The following TCAF1 variants were observed in gnomAD, a reference collection of about 807,000 sequenced individuals.
The protein encoded by TCAF1 is TRPM8 channel associated factor 1.
In TCAF1, 4 loss-of-function variants were observed where a neutral mutation model predicts 27.3. The ratio of observed to expected loss-of-function variants is 0.15; its 90% CI spans 0.07 to 0.34. The LOEUF (loss-of-function observed/expected upper bound fraction) is 0.34. Among genes scored for constraint, TCAF1 ranks in the 10% least tolerant of loss-of-function variants. TCAF1 has a pLI of 1.00. For missense variants in TCAF1, 257 were observed against 425.8 expected (o/e 0.60, Z 3.49); for synonymous variants, 105 against 167.1 (o/e 0.63, Z 2.87).
intron 1 of TCAF1, chr7:143,886,670 A>C: frequency 5.1e-6 from 1 of 195,020 alleles, no homozygotes; most frequent in African/African-American, 2.6e-5. Context: ...TCCTTCCTTC[A>C]TGCTCTTTTA....
intron 1 of TCAF1, chr7:143,882,194 ACAC>A: frequency 4.2e-5 from 1 of 23,812 alleles, no homozygotes; most frequent in Non-Finnish European, 6.8e-5. Context: ...ATGCGCGTAA[ACAC>A]ACACACACAC....
At chr7:143,883,131 A>G (rs549386442) in intron 1 of TCAF1, among the ~76,000 whole-genome samples, 1 of 152,276 alleles carries the variant, frequency 6.6e-6, no homozygotes, top group East Asian at 1.9e-4. Context: ...TGGGACAAAC[A>G]TTCTGCTTAG....
At chr7:143,876,992 A>T (rs1267635122) in intron 1 of TCAF1, among the ~76,000 whole-genome samples, 1 of 152,220 alleles carries the variant, frequency 6.6e-6, no homozygotes, top group African/African-American at 2.4e-5. Context: ...GTCATATGTG[A>T]TTCAAATGGG....
chr7:143,889,878 C>T (rs186886024), intron 1 of TCAF1, among the ~76,000 whole-genome samples: 4 of 152,340 alleles, frequency 2.6e-5, no homozygotes, highest in Admixed American at 6.5e-5. Flanking sequence ...CTCTCATCAA[C>T]TAAGGGCAAT....
intron 1 of TCAF1, among the ~76,000 whole-genome samples, chr7:143,880,918 T>C (rs1347251576): frequency 6.6e-6 from 1 of 152,206 alleles, no homozygotes; most frequent in African/African-American, 2.4e-5. Flanking sequence ...TGTCCTTTCA[T>C]TTCTCTCCCT....
chr7:143,882,193 A>AACACACACACACACACACACACACACAC (rs35872468), intron 1 of TCAF1: 13 of 150,142 alleles, frequency 8.7e-5, no homozygotes, highest in African/African-American at 2.3e-4. Context: ...CATGCGCGTA[A>AACACACACACACACACACACACACACAC]ACACACACAC....
intron 1 of TCAF1, among the ~76,000 whole-genome samples, chr7:143,898,553 T>C (rs1813988937): frequency 6.6e-6 from 1 of 151,996 alleles, no homozygotes; most frequent in African/African-American, 2.4e-5. Flanking sequence ...AACAATAAAC[T>C]ACAAAATATA....
rs1413377595 is a variant in TCAF1, at chr7:143,851,766, C to A, written c.*2367G>T. ...TTATAGCTTTGAACAATACACTAAT[C>A]CTCTAGTTCTTGTTCCATTAACTGA... On this transcript the variant is annotated 3_prime_UTR_variant, in exon 9 of 9. Transcript: ENST00000479870. The A allele has an allele frequency of 6.6e-6, 1 of 152,070 alleles. No homozygotes were observed. The highest frequency in any genetic ancestry group is 2.4e-5 in the African/African-American group (1 of 41,364). The allele number at this position is 152,070 out of a possible 1,614,324, so 9.4% of individuals were successfully genotyped here.
intron 1 of TCAF1, chr7:143,885,112 A>T (rs1387156757): frequency 1.0e-6 from 1 of 985,182 alleles, no homozygotes; most frequent in African/African-American, 1.7e-5. Flanking sequence ...TCCTTCTCCC[A>T]CCCGCACCTC....
At chr7:143,881,156 A>G (rs1812997428) in intron 1 of TCAF1, among the ~76,000 whole-genome samples, 1 of 152,184 alleles carries the variant, frequency 6.6e-6, no homozygotes, top group Non-Finnish European at 1.5e-5. Context: ...GCCATGCTGG[A>G]TGCTGCACCA....
At chr7:143,879,341 G>A (rs1350051704) in intron 1 of TCAF1, among the ~76,000 whole-genome samples, 1 of 152,190 alleles carries the variant, frequency 6.6e-6, no homozygotes, top group Non-Finnish European at 1.5e-5. Flanking sequence ...CTTCTTTCTA[G>A]GAGAAAGTGG....
Position 143,870,231 on chromosome 7 carries a change from CTAT to C in TCAF1, c.620+5755_620+5757del, listed in dbSNP as rs1182791124. On this transcript the variant is annotated intron_variant, in intron 2 of 8. Coordinates refer to ENST00000479870, the MANE Select transcript of TCAF1 (RefSeq NM_014719.3). ...TAAAGTTGTTTCACAGATTTCTGCT[CTAT>C]TATTTCCTCGTTTCTTCTACAGATT... is the stretch of plus-strand genomic sequence containing the variant. 1.1e-4 allele frequency among the ~76,000 whole-genome samples: 15 copies of C among 142,172 alleles called. No individual in the cohort carries two copies. In the East Asian group the frequency reaches 3.2e-3, roughly 30 times the overall value. 93.3% of individuals were successfully genotyped at this position (142,172 alleles called of 152,430 possible).
rs143618696 is a variant in TCAF1 at position 143,883,035 on chromosome 7, C to T, written c.-14-6413G>A. The stretch of plus-strand genomic sequence containing the variant: ...CTGTGGCTTAGGGACGCCTGGAGAC[C>T]CCATCCTGGCAGTGTGGACGGCTGT... On this transcript the variant is annotated intron_variant, in intron 1 of 8. Transcript: ENST00000479870. 410 of 193,152 alleles carry T rather than the reference C, an allele frequency of 2.1e-3. 2 individuals carry two copies. The highest frequency in any genetic ancestry group is 9.2e-3 in the African/African-American group (390 of 42,236). 12.0% of individuals were successfully genotyped at this position (193,152 alleles called of 1,614,324 possible). A position where few individuals can be genotyped will look rare whatever the true frequency, so the allele number is the denominator to read the frequency against.
rs542994466 is a variant in TCAF1, at chr7:143,876,269, C to T, written c.340G>A (p.Val114Ile). Residue 114 changes from valine (V) to isoleucine (I), a missense_variant, in exon 2 of 9, where the codon GTT becomes ATT. By Grantham distance (29) the Val-to-Ile change is conservative. This residue lies in a region of TCAF1 where 255 missense variants were observed against 260.1 expected (regional missense o/e 0.98). Transcript: ENST00000479870. The stretch of plus-strand genomic sequence containing the variant: ...AGGGAGTCTTTCACTTCTGGCTCAA[C>T]CTTTGCATCCACTCCAGAGCCCTCG... ...ILEGSGVDAK[V>I]EPEVKDSLGV... 1 of 1,614,226 alleles carries T rather than the reference C, an allele frequency of 6.2e-7. No homozygotes were observed. The highest frequency in any genetic ancestry group is 1.3e-5 in the African/African-American group (1 of 75,060).
chr7:143,852,503 A>G lies in TCAF1; in HGVS notation c.*1630T>C. 1 of 153,556 alleles carries G rather than the reference A, an allele frequency of 6.5e-6. No homozygotes were observed. Among genetic ancestry groups the G allele is most frequent in the Non-Finnish European group, 1.5e-5 (1 of 68,250 alleles). The allele number at this position is 153,556 out of a possible 1,614,324, so 9.5% of individuals were successfully genotyped here. A position where few individuals can be genotyped will look rare whatever the true frequency, so the allele number is the denominator to read the frequency against. On this transcript the variant is annotated 3_prime_UTR_variant, in exon 9 of 9. Coordinates refer to ENST00000479870, the MANE Select transcript of TCAF1 (RefSeq NM_014719.3). ...AGATACTTCCTCAGTAAGGGTGCAA[A>G]GGAGACTTTCTGAAAATTTGCCTGA... is the stretch of plus-strand genomic sequence containing the variant.
intron 6 of TCAF1, among the ~76,000 whole-genome samples, chr7:143,859,940 TATATA>T (rs1811840060): frequency 1.3e-5 from 1 of 79,632 alleles, no homozygotes; most frequent in African/African-American, 4.7e-5. Context: ...TAATATATAT[TATATA>T]ATATATATTA....
chr7:143,876,041 T>C lies in TCAF1; in HGVS notation c.568A>G (p.Thr190Ala). Reference protein sequence around the residue: ...GIYFTDNKGDTSFFKVSKKMP... With the variant: ...GIYFTDNKGDASFFKVSKKMP... ...TTCTTGGAGACTTTAAAGAAACTCG[T>C]GTCCCCTTTGTTGTCAGTAAAGTAA... The change falls in exon 2 of 9, where the codon ACG (threonine) becomes GCG (alanine). Residue 190 changes from threonine to alanine, a missense_variant. Transcript: ENST00000479870. 6.3e-7 allele frequency: 1 copy of C among 1,594,800 alleles called. No individual in the cohort carries two copies. The highest frequency in any genetic ancestry group is 1.1e-5 in the South Asian group (1 of 88,048).
chr7:143,879,337 TC>T (rs1428269470), intron 1 of TCAF1, among the ~76,000 whole-genome samples: 1 of 152,170 alleles, frequency 6.6e-6, no homozygotes, highest in African/African-American at 2.4e-5. Flanking sequence ...GATACTTCTT[TC>T]TAGGAGAAAG....
chr7:143,884,915 T>C (rs1813313735), intron 1 of TCAF1: 2 of 801,956 alleles, frequency 2.5e-6, no homozygotes, highest in South Asian at 1.1e-4. Flanking sequence ...ATGAAAGAAA[T>C]AAGAGACTGG....
Sources: gnomAD v4.1 joint callset for allele counts (sites outside exome capture counted in the v4.1 genomes callset) on GRCh38, gnomAD v4.1.1 for gene constraint, gnomAD v4.1.1 regional missense constraint, MANE v1.5 for transcripts, NCBI Gene and HGNC (gene_info 2026-07-23, HGNC 2026-07-21) for gene names.